The following PHACTR1 variants were observed in gnomAD, a reference collection of about 807,000 sequenced individuals.
PHACTR1 encodes the protein RPEL repeat containing 1.
In PHACTR1, 16 loss-of-function variants were observed where a neutral mutation model predicts 69.2. That is an observed-to-expected ratio of 0.23 (90% CI 0.16 to 0.35). The LOEUF is 0.35. PHACTR1 is among the 10% of genes least tolerant of loss of function. The probability of loss-of-function intolerance (pLI) is 1.00; values close to 1 mark genes in which losing one functional copy is unlikely to be tolerated. For synonymous variants in PHACTR1, 312 were observed against 284.5 expected, an observed-to-expected ratio of 1.10 and a Z score of -0.97; for missense variants, 510 against 734.7, an observed-to-expected ratio of 0.69 and a Z score of 3.54.
chr6:13,102,038 G>A (rs1454743165), intron 5 of PHACTR1, among the ~76,000 whole-genome samples: 1 of 152,120 alleles, frequency 6.6e-6, no homozygotes. Context: ...ATCTGAAGAG[G>A]CTTTCCTCCC....
chr6:13,161,526 T>C (rs1759006591), intron 6 of PHACTR1, among the ~76,000 whole-genome samples: 2 of 144,246 alleles, frequency 1.4e-5, no homozygotes, highest in South Asian at 5.2e-4. Flanking sequence ...GATTATTAAA[T>C]CACATAATAT....
intron 4 of PHACTR1, among the ~76,000 whole-genome samples, chr6:12,885,786 A>T (rs889863817): frequency 2.0e-5 from 3 of 152,150 alleles, no homozygotes; most frequent in African/African-American, 7.2e-5. Flanking sequence ...CTGGGAACAC[A>T]ATTGTCCATT....
chr6:12,896,815 A>G (rs1784717710), intron 4 of PHACTR1, among the ~76,000 whole-genome samples: 1 of 152,158 alleles, frequency 6.6e-6, no homozygotes, highest in South Asian at 2.1e-4. Context: ...TTGCCTTTTA[A>G]GTGTCCTTCT....
intron 5 of PHACTR1, among the ~76,000 whole-genome samples, chr6:13,131,212 C>T (rs1172564065): frequency 2.8e-4 from 8 of 28,730 alleles, no homozygotes; most frequent in South Asian, 7.6e-4. Context: ...TACACATACA[C>T]ACACACACAC....
chr6:12,809,358 AG>A (rs1345450079), intron 4 of PHACTR1, among the ~76,000 whole-genome samples: 1 of 152,226 alleles, frequency 6.6e-6, no homozygotes, highest in African/African-American at 2.4e-5. Flanking sequence ...TTCCACACCC[AG>A]CCCCATTCCT....
intron 4 of PHACTR1, among the ~76,000 whole-genome samples, chr6:12,877,065 T>C (rs961103746): frequency 3.9e-5 from 6 of 152,148 alleles, no homozygotes; most frequent in African/African-American, 1.4e-4. Context: ...AGGAAAGAAA[T>C]CTACATTACA....
intron 4 of PHACTR1, among the ~76,000 whole-genome samples, chr6:12,942,365 A>C (rs989286398): frequency 3.3e-5 from 5 of 152,220 alleles, no homozygotes; most frequent in African/African-American, 9.6e-5. Flanking sequence ...TTGAGTATTT[A>C]TTGCCAAGTG....
At chr6:13,025,391 A>T (rs1354323398) in intron 4 of PHACTR1, among the ~76,000 whole-genome samples, 2 of 152,240 alleles carry the variant, frequency 1.3e-5, no homozygotes. Flanking sequence ...CAAACCAGAT[A>T]AAAGGGAGAT....
chr6:12,922,511 A>G lies in PHACTR1; in HGVS notation c.251-130854A>G, dbSNP rs115338449. 3.1e-3 allele frequency among the ~76,000 whole-genome samples: 470 copies of G among 152,314 alleles called. 5 individuals are homozygous for G. The highest frequency in any genetic ancestry group is 0.011 in the African/African-American group (451 of 41,566). ...AAGCAAAGTTCTCATCCTAACCTAA[A>G]ATGAGAGTTTGAATATGCATGGAAC... On this transcript the variant is annotated intron_variant, in intron 4 of 14. Transcript: ENST00000332995.
At chr6:12,825,540 A>G (rs4142300) in intron 4 of PHACTR1, among the ~76,000 whole-genome samples, 32,304 of 152,102 alleles carry the variant, frequency 0.21, 3,729 homozygotes, top group African/African-American at 0.31. Context: ...GCCAATTTGT[A>G]TTTTGAAGGT....
At chr6:13,018,627 A>G (rs1163190572) in intron 4 of PHACTR1, among the ~76,000 whole-genome samples, 2 of 152,136 alleles carry the variant, frequency 1.3e-5, no homozygotes, top group Non-Finnish European at 2.9e-5. Context: ...CCAAGATGAG[A>G]GCACCCACTT....
chr6:12,815,229 C>T (rs943688425), intron 4 of PHACTR1, among the ~76,000 whole-genome samples: 7 of 152,196 alleles, frequency 4.6e-5, no homozygotes, highest in African/African-American at 1.7e-4. Flanking sequence ...CCTCTTAAAA[C>T]TGAAGCAATG....
At chr6:13,212,405 A>G (rs1766987497) in intron 8 of PHACTR1, among the ~76,000 whole-genome samples, 1 of 152,264 alleles carries the variant, frequency 6.6e-6, no homozygotes, top group East Asian at 1.9e-4. Flanking sequence ...CTTACTCTTC[A>G]AGACATTATT....
intron 4 of PHACTR1, among the ~76,000 whole-genome samples, chr6:12,973,329 C>T (rs1794463653): frequency 6.6e-6 from 1 of 152,082 alleles, no homozygotes; most frequent in Non-Finnish European, 1.5e-5. Flanking sequence ...AAATCTCCTC[C>T]ACTCGAAATT....
chr6:12,861,437 A>G (rs1780930452), intron 4 of PHACTR1, among the ~76,000 whole-genome samples: 1 of 152,244 alleles, frequency 6.6e-6, no homozygotes, highest in African/African-American at 2.4e-5. Flanking sequence ...ATAAACCTCA[A>G]GTTAAGACAG....
At chr6:13,285,783 G>C (rs1781552608) in intron 13 of PHACTR1, among the ~76,000 whole-genome samples, 1 of 152,174 alleles carries the variant, frequency 6.6e-6, no homozygotes, top group African/African-American at 2.4e-5. Flanking sequence ...CTGTGCCTGT[G>C]CTGAGCTTTG....
intron 5 of PHACTR1, among the ~76,000 whole-genome samples, chr6:13,136,189 TA>T (rs529377100): frequency 2.5e-3 from 357 of 142,504 alleles, no homozygotes; most frequent in Admixed American, 2.7e-3. Context: ...GAACGTATCC[TA>T]AAAAAAAAAA....
intron 6 of PHACTR1, among the ~76,000 whole-genome samples, chr6:13,181,186 C>A (rs1464417482): frequency 6.8e-6 from 1 of 146,344 alleles, no homozygotes. Flanking sequence ...ATTCACTGGA[C>A]GGACTCTAAT....
intron 4 of PHACTR1, among the ~76,000 whole-genome samples, chr6:12,830,952 G>C (rs1389970811): frequency 2.6e-5 from 4 of 152,094 alleles, no homozygotes; most frequent in African/African-American, 9.7e-5. Flanking sequence ...GTACAAGTAT[G>C]CTTTTGTTAC....
Sources: gnomAD v4.1 joint callset for allele counts (sites outside exome capture counted in the v4.1 genomes callset) on GRCh38, gnomAD v4.1.1 for gene constraint, MANE v1.5 for transcripts, NCBI Gene and HGNC (gene_info 2026-07-23, HGNC 2026-07-21) for gene names.